The following HK1 variants were observed in gnomAD, a reference collection of about 807,000 sequenced individuals.
The protein encoded by HK1 is hexokinase 1, also known as hexokinase-1.
In HK1, 28 loss-of-function variants were observed where a neutral mutation model predicts 91.6. The ratio of observed to expected loss-of-function variants is 0.31; its 90% CI spans 0.23 to 0.42. The LOEUF (loss-of-function observed/expected upper bound fraction) is 0.42, where lower values mean the gene tolerates loss of function less well. Among genes scored for constraint, HK1 ranks in the 10% least tolerant of loss-of-function variants. HK1 has a pLI of 1.00. For synonymous variants in HK1, 430 were observed against 468.1 expected (o/e 0.92, Z 1.05); for missense variants, 770 against 1,219.8 (o/e 0.63, Z 5.49).
chr10:69,327,596 G>A (rs967524097), intron 1 of HK1, among the ~76,000 whole-genome samples: 9 of 152,174 alleles, frequency 5.9e-5, no homozygotes, highest in African/African-American at 2.2e-4. Flanking sequence ...ACCTAGGGCT[G>A]AGATCACCAG....
chr10:69,338,952 A>C (rs777446949), intron 1 of HK1, among the ~76,000 whole-genome samples: 1 of 152,136 alleles, frequency 6.6e-6, no homozygotes, highest in African/African-American at 2.4e-5. Context: ...ATCTGGAGCA[A>C]CTGGGCAGGA....
At chr10:69,339,390 A>T (rs147848306) in intron 1 of HK1, among the ~76,000 whole-genome samples, 1 of 152,192 alleles carries the variant, frequency 6.6e-6, no homozygotes, top group African/African-American at 2.4e-5. Flanking sequence ...GTCCTCATTC[A>T]TGTAAAATCC....
rs1846078194 is a variant in HK1 at position 69,305,880 on chromosome 10, A to T, written c.27+5019A>T. 1.9e-4 allele frequency among the ~76,000 whole-genome samples: 6 copies of T among 31,148 alleles called. No individual in the cohort carries two copies. The South Asian group carries it at 6.9e-3, about 36-fold the overall frequency. The allele number at this position is 31,148 out of a possible 152,430, so 20.4% of individuals were successfully genotyped here. A position where few individuals can be genotyped will look rare whatever the true frequency, so the allele number is the denominator to read the frequency against. On this transcript the variant is annotated intron_variant, in intron 5 of 21. Coordinates refer to the HK1 transcript ENST00000360289. ...AAAAAACAAAAAACAAAACAAAAAA[A>T]ACAACAAAAAAAAATAAGAAAAAGA...
At chr10:69,368,695 A>T in intron 5 of HK1, 64 bp downstream of exon 5, 2 of 1,297,240 alleles carry the variant, frequency 1.5e-6, no homozygotes, top group Non-Finnish European at 2.2e-6. Flanking sequence ...CTGCATTCTA[A>T]AACAGACCAG....
chr10:69,325,812 C>T (rs536783436), intron 1 of HK1, among the ~76,000 whole-genome samples: 2 of 150,968 alleles, frequency 1.3e-5, no homozygotes, highest in Admixed American at 6.6e-5. Context: ...GCTGGGATTA[C>T]GGGTGCCAGC....
rs76563350 is a variant in HK1, at chr10:69,299,358, TTTTGTTTG to T, written c.-66-1390_-66-1383del. On this transcript the variant is annotated intron_variant, in intron 4 of 21. Coordinates refer to the HK1 transcript ENST00000360289. Reference sequence around the variant, plus strand: ...ATTTTTTTGTTTGTTTGTTTGTGGTTTTTGTTTGTTTGTTTGTTTGTTTGTTTGAGACG... The same window carrying T: ...ATTTTTTTGTTTGTTTGTTTGTGGTTTTTGTTTGTTTGTTTGTTTGAGACG... Among the ~76,000 whole-genome samples, 20 of 149,288 alleles carry T rather than the reference TTTTGTTTG, an allele frequency of 1.3e-4. No individual in the cohort carries two copies. The South Asian group carries it at 1.5e-3, about 11-fold the overall frequency.
chr10:69,392,351 G>C, intron 15 of HK1, 43 bp downstream of exon 15: 1 of 1,601,742 alleles, frequency 6.2e-7, no homozygotes, highest in East Asian at 2.2e-5. Flanking sequence ...TCAGGGTGGG[G>C]GCAGCACTTG....
intron 13 of HK1, 59 bp from the exon 14 acceptor site, chr10:69,389,138 A>G (rs1382272994): frequency 7.6e-7 from 1 of 1,314,888 alleles, no homozygotes; most frequent in East Asian, 2.3e-5. Context: ...CAGAACCGGC[A>G]GCATTCAAGC....
chr10:69,357,387 T>C (rs1849185838), intron 2 of HK1, among the ~76,000 whole-genome samples: 1 of 152,210 alleles, frequency 6.6e-6, no homozygotes, highest in Non-Finnish European at 1.5e-5. Flanking sequence ...TATAACATGA[T>C]GAACCTTAAA....
At position 69,299,610 on chromosome 10, in the gene HK1, C is replaced by T. The variant is rs367674677; in HGVS notation, c.-66-1159C>T. Among the ~76,000 whole-genome samples, 75 of 151,368 alleles carry T rather than the reference C, an allele frequency of 5.0e-4. 1 individual carries two copies. In the South Asian group the frequency reaches 0.015, roughly 31 times the overall value. ...TCGAACTCCTGACCTCGTGATTGCC[C>T]AGCTCGGCCTCCCAAAGTGCTGAGA... is the stretch of plus-strand genomic sequence containing the variant. On this transcript the variant is annotated intron_variant, in intron 4 of 21. Coordinates refer to the HK1 transcript ENST00000360289.
chr10:69,365,164 G>T (rs1439080052), intron 4 of HK1, among the ~76,000 whole-genome samples: 1 of 152,116 alleles, frequency 6.6e-6, no homozygotes, highest in Non-Finnish European at 1.5e-5. Context: ...TTAATCTTAG[G>T]CAAGCAAAGG....
intron 1 of HK1, among the ~76,000 whole-genome samples, chr10:69,334,425 C>T (rs1847876546): frequency 2.6e-5 from 4 of 152,152 alleles, no homozygotes; most frequent in Admixed American, 2.6e-4. Flanking sequence ...TATCTTTAGG[C>T]CCCTCTGTCC....
intron 14 of HK1, among the ~76,000 whole-genome samples, chr10:69,390,898 A>G (rs1488027056): frequency 6.6e-6 from 1 of 152,232 alleles, no homozygotes; most frequent in Non-Finnish European, 1.5e-5. Flanking sequence ...TGGTTTTTAA[A>G]TGTCCAGTCT....
At chr10:69,393,995 T>C (rs774490295) in intron 15 of HK1, among the ~76,000 whole-genome samples, 4 of 151,994 alleles carry the variant, frequency 2.6e-5, no homozygotes, top group Non-Finnish European at 5.9e-5. Flanking sequence ...CAAACTGGGG[T>C]GGTCTTTGTG....
chr10:69,399,343 G>A (rs1237201738), intron 17 of HK1, among the ~76,000 whole-genome samples: 2 of 152,056 alleles, frequency 1.3e-5, no homozygotes, highest in Non-Finnish European at 2.9e-5. Context: ...GACCTTGTCT[G>A]TACAAAAAAA....
intron 2 of HK1, among the ~76,000 whole-genome samples, chr10:69,351,859 T>C (rs1446334328): frequency 1.3e-5 from 2 of 152,196 alleles, no homozygotes; most frequent in Non-Finnish European, 2.9e-5. Flanking sequence ...AGGATACGTA[T>C]AAGCACTTAG....
At chr10:69,349,375 C>G (rs1468672649) in intron 2 of HK1, among the ~76,000 whole-genome samples, 2 of 152,120 alleles carry the variant, frequency 1.3e-5, no homozygotes, top group African/African-American at 4.8e-5. Flanking sequence ...AAACTGCAAA[C>G]CACCGTGAGT....
At chr10:69,391,712 C>G (rs1025386008) in intron 14 of HK1, among the ~76,000 whole-genome samples, 5 of 152,174 alleles carry the variant, frequency 3.3e-5, no homozygotes, top group African/African-American at 4.8e-5. Context: ...ATTTTATACA[C>G]ATATATATAG....
intron 2 of HK1, among the ~76,000 whole-genome samples, chr10:69,287,049 G>A (rs1845067369): frequency 6.6e-6 from 1 of 152,108 alleles, no homozygotes; most frequent in Admixed American, 6.5e-5. Flanking sequence ...ATAAAGAAAT[G>A]GCCCTCAATT....
Sources: gnomAD v4.1 joint callset for allele counts (sites outside exome capture counted in the v4.1 genomes callset) on GRCh38, gnomAD v4.1.1 for gene constraint, MANE v1.5 for transcripts, NCBI Gene and HGNC (gene_info 2026-07-23, HGNC 2026-07-21) for gene names.